Variants in TTC7A observed in about 807,000 individuals in gnomAD.
TTC7A encodes tetratricopeptide repeat protein 7A.
TTC7A carries 110 observed loss-of-function variants against 103.7 expected under a neutral mutation model. The ratio of observed to expected loss-of-function variants is 1.06; its 90% CI spans 0.91 to 1.24. The LOEUF (loss-of-function observed/expected upper bound fraction) is 1.24, where lower values mean the gene tolerates loss of function less well. Ranked by LOEUF, TTC7A falls within the 50% of genes most tolerant of loss-of-function variation. The probability of loss-of-function intolerance (pLI) is 0.00; values close to 1 mark genes in which losing one functional copy is unlikely to be tolerated. For missense variants in TTC7A, 1,340 were observed against 1,116.3 expected (o/e 1.20, Z -2.86); for synonymous variants, 521 against 467.9 (o/e 1.11, Z -1.47).
At chr2:46,940,797 C>T (rs1010156475), upstream of TTC7A, among the ~76,000 whole-genome samples, 6 of 152,184 alleles carry the variant, frequency 3.9e-5, no homozygotes, top group African/African-American at 1.2e-4. This position sits in a 1 kb window ranked among gnomAD's most constrained non-coding sequence, Gnocchi z 4.7. Flanking sequence ...CAGGGCGGGG[C>T]GGACAGCGGC....
Position 46,952,336 on chromosome 2 carries a change from C to T in TTC7A, c.348+1810C>T, listed in dbSNP as rs150580825. 1.8e-4 allele frequency among the ~76,000 whole-genome samples: 28 copies of T among 151,632 alleles called. No homozygotes were observed. The East Asian group carries it at 4.4e-3, about 24-fold the overall frequency. ...AGCTTTTCCCACCAAGACCGCTTTT[C>T]GTTTTAAAAATATTAAATTAATAAT... On this transcript the variant is annotated intron_variant, in intron 2 of 19. Transcript: ENST00000319190.
intron 4 of TTC7A, among the ~76,000 whole-genome samples, chr2:46,976,596 G>T (rs1673903399): frequency 6.6e-6 from 1 of 152,196 alleles, no homozygotes; most frequent in Admixed American, 6.5e-5. Flanking sequence ...CCCAGGCCAG[G>T]TCATTTCCCC....
chr2:47,042,702 G>GTGTATATATATA (rs111460716), intron 15 of TTC7A, among the ~76,000 whole-genome samples: 34 of 142,722 alleles, frequency 2.4e-4, no homozygotes, highest in Admixed American at 7.7e-4. Flanking sequence ...GTGTGTGTGT[G>GTGTATATATATA]TATATATATG....
intron 16 of TTC7A, among the ~76,000 whole-genome samples, chr2:47,048,990 G>A (rs1014225545): frequency 1.3e-5 from 2 of 152,154 alleles, no homozygotes. Flanking sequence ...AGCCATTGTG[G>A]TTTTATAGAT....
At chr2:47,018,281 G>GAAA (rs35448648) in intron 11 of TTC7A, among the ~76,000 whole-genome samples, 1 of 124,418 alleles carries the variant, frequency 8.0e-6, no homozygotes. Flanking sequence ...GTCCGTCTCA[G>GAAA]AAAAAAAAAA....
intron 5 of TTC7A, among the ~76,000 whole-genome samples, chr2:46,990,843 C>G (rs1221075660): frequency 6.6e-6 from 1 of 152,148 alleles, no homozygotes; most frequent in Non-Finnish European, 1.5e-5. Context: ...TGGTTCTCGA[C>G]TTGAGTGTCC....
rs931683226 is a variant in TTC7A, at chr2:47,035,923, C to G, written c.1802+6539C>G. On this transcript the variant is annotated intron_variant, in intron 15 of 19. Coordinates refer to ENST00000319190, the MANE Select transcript of TTC7A (RefSeq NM_020458.4). ...GGGGTCTGACACAGGGCAGAGAGACCAAGGCAATTGCTTCTTTGTGTCTCA... is the reference window on the plus strand; with the variant it reads ...GGGGTCTGACACAGGGCAGAGAGACGAAGGCAATTGCTTCTTTGTGTCTCA... 3.1e-4 allele frequency among the ~76,000 whole-genome samples: 47 copies of G among 152,158 alleles called. 1 individual carries two copies. Among genetic ancestry groups the G allele is most frequent in the Admixed American group, 2.7e-3 (42 of 15,282 alleles).
chr2:47,020,124 A>T (rs10178551), intron 11 of TTC7A, among the ~76,000 whole-genome samples: 54,376 of 148,688 alleles, frequency 0.37, 10,150 homozygotes, highest in Non-Finnish European at 0.4. Flanking sequence ...CAGGGCCTGG[A>T]GCTACAAAAA....
chr2:46,983,284 C>A (rs13004682), intron 5 of TTC7A, among the ~76,000 whole-genome samples: 25,060 of 152,154 alleles, frequency 0.16, 2,222 homozygotes, highest in Admixed American at 0.2. Flanking sequence ...TGAGGACGGC[C>A]CGGGGCACTG....
chr2:46,920,884 G>A (rs1447853795), intron 2 of TTC7A, among the ~76,000 whole-genome samples: 2 of 150,988 alleles, frequency 1.3e-5, no homozygotes, highest in Non-Finnish European at 1.5e-5. Flanking sequence ...ATTTTCCTTC[G>A]GTACTTAAAG....
At chr2:46,945,342 T>C (rs1389408776) in intron 1 of TTC7A, among the ~76,000 whole-genome samples, 1 of 151,880 alleles carries the variant, frequency 6.6e-6, no homozygotes, top group Non-Finnish European at 1.5e-5. Context: ...AACCTCTGCC[T>C]CCCGGGTTCA....
chr2:47,046,455 G>C (rs937472521), intron 16 of TTC7A, 24 bp downstream of exon 16: 2 of 1,600,386 alleles, frequency 1.2e-6, no homozygotes, highest in Non-Finnish European at 1.7e-6. Flanking sequence ...ATTGTCTCTT[G>C]GGTTGCCAGA....
At chr2:47,014,522 A>G (rs1678429677) in intron 11 of TTC7A, among the ~76,000 whole-genome samples, 1 of 152,122 alleles carries the variant, frequency 6.6e-6, no homozygotes. Context: ...CTGCCTCACC[A>G]TCCCTAGTTC....
Position 47,007,581 on chromosome 2 carries a change from C to T in TTC7A, c.1287+857C>T, listed in dbSNP as rs566464695. Among the ~76,000 whole-genome samples the T allele has an allele frequency of 1.3e-5, 2 of 152,284 alleles. No homozygotes were observed. Among genetic ancestry groups the T allele is most frequent in the East Asian group, 1.9e-4 (1 of 5,176 alleles). ...CACGTTCCATTTCTGGCCCCGCAGCCGTCTCTGAGGAGGGCCCTCCTGGCT... is the reference window on the plus strand; with the variant it reads ...CACGTTCCATTTCTGGCCCCGCAGCTGTCTCTGAGGAGGGCCCTCCTGGCT... On this transcript the variant is annotated intron_variant, in intron 10 of 19. Transcript: ENST00000319190. The surrounding 1 kb of genome is among the most constrained non-coding windows in gnomAD (Gnocchi z 4.9).
intron 2 of TTC7A, among the ~76,000 whole-genome samples, chr2:46,951,204 C>G (rs1022375793): frequency 6.6e-6 from 1 of 152,080 alleles, no homozygotes; most frequent in Non-Finnish European, 1.5e-5. Flanking sequence ...CCTCTCCCTC[C>G]CAGAAGGAGT....
At chr2:46,982,159 G>A (rs992631679) in intron 5 of TTC7A, among the ~76,000 whole-genome samples, 6 of 152,186 alleles carry the variant, frequency 3.9e-5, no homozygotes, top group Non-Finnish European at 5.9e-5. Flanking sequence ...GATCGCTTGA[G>A]TCCAGGAGTT....
intron 11 of TTC7A, among the ~76,000 whole-genome samples, chr2:47,013,438 C>T (rs1018005534): frequency 2.6e-5 from 4 of 152,110 alleles, no homozygotes; most frequent in Admixed American, 1.3e-4. Context: ...CAACTCAGGC[C>T]GCTGCTTGCT....
intron 1 of TTC7A, among the ~76,000 whole-genome samples, chr2:46,946,672 T>C (rs1039300268): frequency 2.0e-5 from 3 of 152,186 alleles, no homozygotes; most frequent in Non-Finnish European, 2.9e-5. Context: ...TCCTACCACC[T>C]CGGCCTCCCA....
intron 8 of TTC7A, among the ~76,000 whole-genome samples, chr2:46,996,676 G>T (rs971030527): frequency 6.6e-6 from 1 of 152,226 alleles, no homozygotes; most frequent in Non-Finnish European, 1.5e-5. Flanking sequence ...TAAAATGTTT[G>T]CCTGTGAGGT....
Sources: gnomAD v4.1 joint callset for allele counts (sites outside exome capture counted in the v4.1 genomes callset) on GRCh38, gnomAD v4.1.1 for gene constraint, Gnocchi (gnomAD v3.1) non-coding constraint, MANE v1.5 for transcripts, NCBI Gene and HGNC (gene_info 2026-07-23, HGNC 2026-07-21) for gene names.